Variants in GRM7 observed in about 807,000 individuals in gnomAD.
GRM7 encodes the protein glutamate metabotropic receptor 7.
A neutral mutation model predicts 84.5 loss-of-function variants in GRM7; 35 were observed. The ratio of observed to expected loss-of-function variants is 0.41; its 90% CI spans 0.32 to 0.55. GRM7 has a LOEUF of 0.55. GRM7 is among the 20% of genes least tolerant of loss of function. GRM7 has a pLI of 0.19. For synonymous variants in GRM7, 487 were observed against 455.1 expected, an observed-to-expected ratio of 1.07 and a Z score of -0.89; for missense variants, 1,003 against 1,194.6, an observed-to-expected ratio of 0.84 and a Z score of 2.36.
At chr3:7,445,292 G>T (rs185798518) in intron 5 of GRM7, among the ~76,000 whole-genome samples, 1 of 152,260 alleles carries the variant, frequency 6.6e-6, no homozygotes, top group East Asian at 1.9e-4. Flanking sequence ...TCCCTGTGTG[G>T]ATAGGGAAGA....
At chr3:7,084,287 C>A (rs1174114932) in intron 1 of GRM7, among the ~76,000 whole-genome samples, 2 of 152,090 alleles carry the variant, frequency 1.3e-5, no homozygotes, top group East Asian at 3.9e-4. Flanking sequence ...GCAGCTACAG[C>A]AACATCACAT....
intron 2 of GRM7, among the ~76,000 whole-genome samples, chr3:7,172,292 A>G (rs1450675599): frequency 6.6e-6 from 1 of 152,172 alleles, no homozygotes; most frequent in East Asian, 1.9e-4. Context: ...AAATTGTTAA[A>G]TAAACCACAT....
In GRM7 at chr3:6,963,704, G is replaced by A. The variant is rs561509984; in HGVS notation, c.519+101797G>A. Among the ~76,000 whole-genome samples the A allele has an allele frequency of 5.9e-5, 9 of 152,304 alleles. No homozygotes were observed. In the South Asian group the frequency reaches 1.9e-3, roughly 32 times the overall value. The stretch of plus-strand genomic sequence containing the variant: ...TTAAAATCATGGTACAGTTTACAAT[G>A]AATGTGGGTCATAGTTTAATTGGTA... On this transcript the variant is annotated intron_variant, in intron 1 of 9. Transcript: ENST00000357716.
chr3:7,439,243 A>G (rs1038051389), intron 5 of GRM7, among the ~76,000 whole-genome samples: 1 of 152,200 alleles, frequency 6.6e-6, no homozygotes, highest in Non-Finnish European at 1.5e-5. Flanking sequence ...GGGCATTTGT[A>G]TAGAAAAAAT....
chr3:7,587,552 G>T (rs1695577065), intron 8 of GRM7, among the ~76,000 whole-genome samples: 1 of 152,148 alleles, frequency 6.6e-6, no homozygotes, highest in Admixed American at 6.6e-5. Flanking sequence ...GCCCCAGAAG[G>T]CCCTGTGTGC....
At chr3:7,448,703 T>A (rs910630545) in intron 5 of GRM7, among the ~76,000 whole-genome samples, 3 of 152,200 alleles carry the variant, frequency 2.0e-5, no homozygotes, top group Admixed American at 6.5e-5. Context: ...ACAAATTTAA[T>A]ACGTAAGTCT....
At chr3:6,913,802 AATAG>A (rs1287364960) in intron 1 of GRM7, among the ~76,000 whole-genome samples, 1 of 152,182 alleles carries the variant, frequency 6.6e-6, no homozygotes, top group Non-Finnish European at 1.5e-5. Flanking sequence ...AGCTTGATGC[AATAG>A]ATAGATAGAC....
chr3:7,534,668 C>G (rs1575464527), intron 7 of GRM7, among the ~76,000 whole-genome samples: 2 of 151,954 alleles, frequency 1.3e-5, no homozygotes, highest in South Asian at 4.2e-4. Context: ...TATTCAGGAG[C>G]TATAATAAAC....
chr3:7,303,089 C>A (rs1018145540), intron 3 of GRM7, among the ~76,000 whole-genome samples: 1 of 151,752 alleles, frequency 6.6e-6, no homozygotes, highest in Non-Finnish European at 1.5e-5. Context: ...TACAGGTGCC[C>A]GCCACCATGG....
At chr3:7,263,078 C>T (rs1698495775) in intron 2 of GRM7, among the ~76,000 whole-genome samples, 1 of 152,198 alleles carries the variant, frequency 6.6e-6, no homozygotes. Context: ...TTTGAAGTTG[C>T]TGTCTTTTAG....
At chr3:7,534,912 G>A (rs1394712115) in intron 7 of GRM7, among the ~76,000 whole-genome samples, 1 of 152,096 alleles carries the variant, frequency 6.6e-6, no homozygotes, top group Non-Finnish European at 1.5e-5. Context: ...TGTTCTGGGG[G>A]GTGGTTGATT....
chr3:7,535,435 C>T lies in GRM7; in HGVS notation c.1516-42987C>T, dbSNP rs183670523. ...GTTATAAAGTAGTCCTAGGAGCCGGCTGAGGTGACCACTACTGGGTGTGGA... is the reference window on the plus strand; with the variant it reads ...GTTATAAAGTAGTCCTAGGAGCCGGTTGAGGTGACCACTACTGGGTGTGGA... On this transcript the variant is annotated intron_variant, in intron 7 of 9. Coordinates refer to ENST00000357716, the MANE Select transcript of GRM7 (RefSeq NM_000844.4). 3.3e-5 allele frequency among the ~76,000 whole-genome samples: 5 copies of T among 152,296 alleles called. No individual in the cohort carries two copies. In the East Asian group the frequency reaches 9.7e-4, roughly 29 times the overall value.
intron 5 of GRM7, among the ~76,000 whole-genome samples, chr3:7,417,265 A>G (rs541209457): frequency 1.3e-5 from 2 of 152,000 alleles, no homozygotes; most frequent in Non-Finnish European, 2.9e-5. Context: ...TTCCTTCCTC[A>G]TCACTTTCTT....
chr3:7,450,596 C>G (rs1697724862), intron 5 of GRM7, among the ~76,000 whole-genome samples: 1 of 151,844 alleles, frequency 6.6e-6, no homozygotes, highest in Non-Finnish European at 1.5e-5. Context: ...TCATTAAGAA[C>G]CAAGATTGTC....
At position 7,580,720 on chromosome 3, in the gene GRM7, G is replaced by GAGA. The variant is rs1695208956; in HGVS notation, c.2451+1365_2451+1367dup. On this transcript the variant is annotated intron_variant, in intron 8 of 9. Coordinates refer to ENST00000357716, the MANE Select transcript of GRM7 (RefSeq NM_000844.4). ...ATGGTTTTAGTCATAAAGTATTTTA[G>GAGA]AGAAAGTTCTTCTAAAATATACGCT... is the stretch of plus-strand genomic sequence containing the variant. Among the ~76,000 whole-genome samples, 3 of 152,110 alleles carry GAGA rather than the reference G, an allele frequency of 2.0e-5. No individual in the cohort carries two copies. In the South Asian group the frequency reaches 6.2e-4, roughly 31 times the overall value.
chr3:7,305,348 T>TA (rs1553555233), intron 3 of GRM7, among the ~76,000 whole-genome samples: 1 of 101,918 alleles, frequency 9.8e-6, no homozygotes, highest in Non-Finnish European at 2.4e-5. Context: ...TTTTTCTTTT[T>TA]TTTTTTTTTT....
chr3:6,953,301 G>A (rs1692869299), intron 1 of GRM7, among the ~76,000 whole-genome samples: 1 of 152,144 alleles, frequency 6.6e-6, no homozygotes, highest in Non-Finnish European at 1.5e-5. Context: ...ACCCAGATAT[G>A]ATACTCATTA....
chr3:7,522,679 A>G (rs571069347), intron 7 of GRM7, among the ~76,000 whole-genome samples: 1 of 152,332 alleles, frequency 6.6e-6, no homozygotes, highest in Admixed American at 6.5e-5. Context: ...TAGAAGACTG[A>G]AAGAATTAAG....
intron 1 of GRM7, among the ~76,000 whole-genome samples, chr3:6,919,381 T>TG: frequency 6.7e-6 from 1 of 148,644 alleles, no homozygotes; most frequent in African/African-American, 2.5e-5. Context: ...TTTTTTTTTT[T>TG]TTTTTAATAG....
Sources: gnomAD v4.1 joint callset for allele counts (sites outside exome capture counted in the v4.1 genomes callset) on GRCh38, gnomAD v4.1.1 for gene constraint, MANE v1.5 for transcripts, NCBI Gene and HGNC (gene_info 2026-07-23, HGNC 2026-07-21) for gene names.